PCBP3: variants seen among roughly 807,000 people sequenced by gnomAD.
The protein encoded by PCBP3 is poly(rC)-binding protein 3.
PCBP3 carries 25 observed loss-of-function variants against 52.7 expected under a neutral mutation model. That is an observed-to-expected ratio of 0.47 (90% CI 0.35 to 0.66). The LOEUF is 0.66. Ranked by LOEUF, PCBP3 falls within the 30% of genes least tolerant of loss-of-function variation. The pLI is 0.01. For missense variants in PCBP3, 391 were observed against 490.3 expected (o/e 0.80, Z 1.91); for synonymous variants, 162 against 183.0 (o/e 0.89, Z 0.93).
intron 5 of PCBP3, among the ~76,000 whole-genome samples, chr21:45,895,361 C>T (rs759136954): frequency 6.6e-6 from 1 of 152,194 alleles, no homozygotes; most frequent in Non-Finnish European, 1.5e-5. Flanking sequence ...GTTTCTGTTC[C>T]TGGTGGGTTT....
intron 13 of PCBP3, among the ~76,000 whole-genome samples, chr21:45,925,800 A>G (rs1198780553): frequency 1.3e-5 from 2 of 152,250 alleles, no homozygotes; most frequent in Non-Finnish European, 2.9e-5. Context: ...TGCCTAAAAC[A>G]TAGCTTTAAA....
In PCBP3 at chr21:45,909,722, GCCCAGATACAGACCTGGC is replaced by G. The variant is rs2096292209; in HGVS notation, c.471+239_471+256del. ...CCAGATACGGACCCGGCCACCCACT[GCCCAGATACAGACCTGGC>G]CCACCCACTGCCCAGATACGGACCC... On this transcript the variant is annotated intron_variant, in intron 10 of 17. Coordinates refer to ENST00000681687, the MANE Select transcript of PCBP3 (RefSeq NM_001384156.1). Among the ~76,000 whole-genome samples, 5 of 124,524 alleles carry G rather than the reference GCCCAGATACAGACCTGGC, an allele frequency of 4.0e-5. No individual in the cohort carries two copies. The South Asian group carries it at 1.4e-3, about 35-fold the overall frequency. The allele number at this position is 124,524 out of a possible 152,430, so 81.7% of individuals were successfully genotyped here. A position where few individuals can be genotyped will look rare whatever the true frequency, so the allele number is the denominator to read the frequency against.
chr21:45,846,612 T>C (rs1264392765), intron 4 of PCBP3, among the ~76,000 whole-genome samples: 1 of 152,236 alleles, frequency 6.6e-6, no homozygotes, highest in Non-Finnish European at 1.5e-5. Flanking sequence ...ATGATTGCTG[T>C]TCTTAGGTTT....
chr21:45,664,630 T>C (rs2080658830), intron 1 of PCBP3, among the ~76,000 whole-genome samples: 2 of 151,930 alleles, frequency 1.3e-5, no homozygotes, highest in East Asian at 3.9e-4. Context: ...TCTTTTTTTA[T>C]TATACTTTAA....
intron 9 of PCBP3, among the ~76,000 whole-genome samples, chr21:45,901,798 T>C (rs2096064713): frequency 6.6e-6 from 1 of 152,094 alleles, no homozygotes; most frequent in South Asian, 2.1e-4. Flanking sequence ...AGCACTTCTG[T>C]GTATTCTGTC....
intron 5 of PCBP3, among the ~76,000 whole-genome samples, chr21:45,895,896 C>G (rs2095812579): frequency 6.6e-6 from 1 of 152,256 alleles, no homozygotes; most frequent in Non-Finnish European, 1.5e-5. Context: ...TAGCTCCTGC[C>G]AGTCTCCGGC....
At chr21:45,775,359 TTA>T (rs200576468) in intron 4 of PCBP3, among the ~76,000 whole-genome samples, 104,062 of 151,426 alleles carry the variant, frequency 0.69, 37,155 homozygotes, top group African/African-American at 0.88. Flanking sequence ...TCAGTTTAAT[TTA>T]AATGCCTCCT....
At chr21:45,707,287 G>A (rs1412526274) in intron 2 of PCBP3, among the ~76,000 whole-genome samples, 6 of 152,060 alleles carry the variant, frequency 3.9e-5, no homozygotes, top group Non-Finnish European at 7.4e-5. Context: ...AGGCTGAGGC[G>A]GGTGGATCAC....
At chr21:45,812,359 T>G (rs967097788) in intron 4 of PCBP3, among the ~76,000 whole-genome samples, 1 of 152,226 alleles carries the variant, frequency 6.6e-6, no homozygotes, top group Admixed American at 6.5e-5. Flanking sequence ...GGATCTGAGT[T>G]TCCATCTGGC....
chr21:45,814,031 C>T (rs975195286), intron 4 of PCBP3, among the ~76,000 whole-genome samples: 3 of 152,208 alleles, frequency 2.0e-5, no homozygotes, highest in Admixed American at 6.5e-5. Context: ...CTGGTGCAGC[C>T]CACTACACAC....
intron 16 of PCBP3, among the ~76,000 whole-genome samples, chr21:45,938,536 A>G (rs1395926966): frequency 6.6e-6 from 1 of 152,180 alleles, no homozygotes; most frequent in East Asian, 1.9e-4. Context: ...GCCAATTAGG[A>G]AACCACCCTC....
At chr21:45,838,492 T>C (rs1295707987) in intron 4 of PCBP3, among the ~76,000 whole-genome samples, 3 of 152,160 alleles carry the variant, frequency 2.0e-5, no homozygotes, top group Non-Finnish European at 4.4e-5. Flanking sequence ...TTGTCATTGA[T>C]TTTTTATAAT....
chr21:45,878,928 G>A (rs568338689), intron 5 of PCBP3, among the ~76,000 whole-genome samples: 14 of 152,182 alleles, frequency 9.2e-5, no homozygotes, highest in Non-Finnish European at 2.1e-4. Flanking sequence ...GGAAGGGTGA[G>A]CCCTCTCAAA....
chr21:45,782,807 TA>T (rs1346011935), intron 4 of PCBP3, among the ~76,000 whole-genome samples: 1 of 152,244 alleles, frequency 6.6e-6, no homozygotes, highest in Non-Finnish European at 1.5e-5. Context: ...AACCAGATTT[TA>T]AAATGGTCCA....
intron 4 of PCBP3, among the ~76,000 whole-genome samples, chr21:45,835,191 A>T (rs1009607647): frequency 6.6e-6 from 1 of 152,122 alleles, no homozygotes; most frequent in Non-Finnish European, 1.5e-5. Flanking sequence ...AGAATAGCCC[A>T]CGTCTGCCCT....
At position 45,927,896 on chromosome 21, in the gene PCBP3, T is replaced by G. The variant is rs1308591171; in HGVS notation, c.718-2021T>G. 2.0e-5 allele frequency among the ~76,000 whole-genome samples: 3 copies of G among 152,132 alleles called. No individual in the cohort carries two copies. In the East Asian group the frequency reaches 5.8e-4, roughly 29 times the overall value. On this transcript the variant is annotated intron_variant, in intron 13 of 17. Coordinates refer to ENST00000681687, the MANE Select transcript of PCBP3 (RefSeq NM_001384156.1). Reference sequence around the variant, plus strand: ...AGAGCCCAGGGAGCGCCCCTCCCCGTGCCCCATTCCCTGGCCATGGGGCAG... The same window carrying G: ...AGAGCCCAGGGAGCGCCCCTCCCCGGGCCCCATTCCCTGGCCATGGGGCAG...
chr21:45,934,135 G>A (rs1302092059), intron 15 of PCBP3, among the ~76,000 whole-genome samples: 1 of 152,060 alleles, frequency 6.6e-6, no homozygotes, highest in Non-Finnish European at 1.5e-5. Flanking sequence ...CCCAGTCTGG[G>A]GTATTCTGAA....
At chr21:45,818,010 C>A (rs1310531125) in intron 4 of PCBP3, among the ~76,000 whole-genome samples, 1 of 152,024 alleles carries the variant, frequency 6.6e-6, no homozygotes, top group Non-Finnish European at 1.5e-5. Flanking sequence ...GTCAATGAAC[C>A]AATATTGGTA....
At chr21:45,938,761 A>C (rs1162106623) in intron 16 of PCBP3, among the ~76,000 whole-genome samples, 1 of 152,160 alleles carries the variant, frequency 6.6e-6, no homozygotes, top group Non-Finnish European at 1.5e-5. Flanking sequence ...ACAAAGACTG[A>C]GGGTTCTGTA....
Sources: gnomAD v4.1 joint callset for allele counts (sites outside exome capture counted in the v4.1 genomes callset) on GRCh38, gnomAD v4.1.1 for gene constraint, MANE v1.5 for transcripts, NCBI Gene and HGNC (gene_info 2026-07-23, HGNC 2026-07-21) for gene names.